Variants in OSBPL8 observed in about 807,000 individuals in gnomAD.
OSBPL8 encodes oxysterol-binding protein-related protein 8.
A neutral mutation model predicts 125.5 loss-of-function variants in OSBPL8; 59 were observed. The ratio of observed to expected loss-of-function variants is 0.47; its 90% CI spans 0.38 to 0.58. The LOEUF (loss-of-function observed/expected upper bound fraction) is 0.58, where lower values mean the gene tolerates loss of function less well. Ranked by LOEUF, OSBPL8 falls within the 20% of genes least tolerant of loss-of-function variation. The pLI is 0.00. For synonymous variants in OSBPL8, 330 were observed against 338.9 expected (o/e 0.97, Z 0.29); for missense variants, 758 against 1,047.8 (o/e 0.72, Z 3.82).
At chr12:76,389,612 A>G (rs1293650032) in intron 12 of OSBPL8, 33 bp downstream of exon 12, 1 of 1,434,206 alleles carries the variant, frequency 7.0e-7, no homozygotes, top group South Asian at 1.4e-5. Context: ...ATCATGAAGT[A>G]TTGTCTATTT....
At position 76,536,436 on chromosome 12, in the gene OSBPL8, G is replaced by A. The variant is rs189020384; in HGVS notation, c.-68+22961C>T. 2.5e-3 allele frequency among the ~76,000 whole-genome samples: 386 copies of A among 152,018 alleles called. 4 individuals are homozygous for A. The highest frequency in any genetic ancestry group is 9.1e-3 in the African/African-American group (377 of 41,494). The stretch of plus-strand genomic sequence containing the variant: ...ATAATTAATTTTGTCTGTAAAAATG[G>A]GAATAACTCACAGGATAGCTGTAAA... On this transcript the variant is annotated intron_variant, in intron 1 of 23. Transcript: ENST00000261183.
At position 76,375,294 on chromosome 12, in the gene OSBPL8, T is replaced by A; in HGVS notation, c.1806A>T (p.Ala602=). 6.2e-7 allele frequency: 1 copy of A among 1,609,606 alleles called. No individual in the cohort carries two copies. The highest frequency in any genetic ancestry group is 8.5e-7 in the Non-Finnish European group (1 of 1,176,760). ...TAACCTTTAGTTTAAATTCAAGTAT[T>A]GCACTGTATCCAGTTTTTTGACATG... ...NITCQKTGYS[A]ILEFKLKPFL... The change falls in exon 17 of 24, where the codon GCA becomes GCT. Residue 602 remains alanine, a synonymous_variant. Coordinates refer to ENST00000261183, the MANE Select transcript of OSBPL8 (RefSeq NM_020841.5).
chr12:76,353,659 T>C lies in OSBPL8; in HGVS notation c.*2230A>G, dbSNP rs1450022072. ...GCCTAGTACAAGCACTGATCTAAAATTAAGCCACCAATTCCTGAGTTTTGT... is the reference window on the plus strand; with the variant it reads ...GCCTAGTACAAGCACTGATCTAAAACTAAGCCACCAATTCCTGAGTTTTGT... On this transcript the variant is annotated 3_prime_UTR_variant, in exon 24 of 24. Coordinates refer to ENST00000261183, the MANE Select transcript of OSBPL8 (RefSeq NM_020841.5). 6.6e-6 allele frequency: 1 copy of C among 152,384 alleles called. No homozygotes were observed. The highest frequency in any genetic ancestry group is 1.9e-4 in the East Asian group (1 of 5,198). The allele number at this position is 152,384 out of a possible 1,614,324, so 9.4% of individuals were successfully genotyped here.
At chr12:76,435,585 G>C (rs2136615783) in intron 4 of OSBPL8, among the ~76,000 whole-genome samples, 1 of 152,250 alleles carries the variant, frequency 6.6e-6, no homozygotes, top group African/African-American at 2.4e-5. Flanking sequence ...TGATAGAAAT[G>C]TTAAGTAGCT....
rs184414876 is a variant in OSBPL8 at position 76,383,813 on chromosome 12, G to C, written c.1630+441C>G. Among the ~76,000 whole-genome samples, 302 of 152,060 alleles carry C rather than the reference G, an allele frequency of 2.0e-3. 1 individual carries two copies. The highest frequency in any genetic ancestry group is 6.9e-3 in the African/African-American group (287 of 41,488). Reference sequence around the variant, plus strand: ...CTATTTTCCCTTGTACTTGCAAACAGTTTTTTTGGTATGTTATTTAGTCCA... The same window carrying C: ...CTATTTTCCCTTGTACTTGCAAACACTTTTTTTGGTATGTTATTTAGTCCA... On this transcript the variant is annotated intron_variant, in intron 15 of 23. Coordinates refer to ENST00000261183, the MANE Select transcript of OSBPL8 (RefSeq NM_020841.5).
chr12:76,456,788 G>A (rs960870376), intron 3 of OSBPL8, among the ~76,000 whole-genome samples: 3 of 151,988 alleles, frequency 2.0e-5, no homozygotes, highest in Non-Finnish European at 2.9e-5. Context: ...ATGTTATTAA[G>A]AAAATCATAA....
At chr12:76,410,689 T>C (rs1954478665) in intron 4 of OSBPL8, 55 bp from the exon 5 acceptor site, 2 of 1,189,500 alleles carry the variant, frequency 1.7e-6, no homozygotes, top group Non-Finnish European at 2.5e-6. Context: ...GTATAATAAG[T>C]CATTCATTTT....
intron 1 of OSBPL8, among the ~76,000 whole-genome samples, chr12:76,556,560 A>C (rs2137544268): frequency 6.6e-6 from 1 of 152,300 alleles, no homozygotes; most frequent in South Asian, 2.1e-4. Context: ...TCTCATCACA[A>C]GGAAGCTATA....
chr12:76,418,740 G>A (rs1168127011), intron 4 of OSBPL8, among the ~76,000 whole-genome samples: 2 of 152,082 alleles, frequency 1.3e-5, no homozygotes, highest in African/African-American at 4.8e-5. Flanking sequence ...GCTGAGGTGA[G>A]AGGATCACTT....
intron 1 of OSBPL8, among the ~76,000 whole-genome samples, chr12:76,522,921 C>T (rs1423979540): frequency 6.6e-6 from 1 of 152,118 alleles, no homozygotes; most frequent in East Asian, 1.9e-4. Flanking sequence ...GATCTCAGCT[C>T]ACTGTGAATG....
chr12:76,500,447 A>T (rs74431510), intron 1 of OSBPL8, among the ~76,000 whole-genome samples: 2 of 104,982 alleles, frequency 1.9e-5, no homozygotes, highest in Admixed American at 1.7e-4. Flanking sequence ...AACTAGAAGT[A>T]TTCTCTTGAT....
chr12:76,501,227 C>A (rs748077953), intron 1 of OSBPL8, among the ~76,000 whole-genome samples: 1 of 152,130 alleles, frequency 6.6e-6, no homozygotes, highest in African/African-American at 2.4e-5. Flanking sequence ...CTTCCTCAAC[C>A]CTCATTATCT....
intron 2 of OSBPL8, among the ~76,000 whole-genome samples, chr12:76,482,352 G>A (rs901774100): frequency 6.6e-6 from 1 of 152,308 alleles, no homozygotes; most frequent in African/African-American, 2.4e-5. Flanking sequence ...AGTGGCTCAC[G>A]CCTGTAATCT....
intron 8 of OSBPL8, 149 bp downstream of exon 8, chr12:76,397,545 G>A (rs1953863427): frequency 7.7e-6 from 6 of 777,084 alleles, no homozygotes; most frequent in Non-Finnish European, 1.2e-5. Flanking sequence ...TTTGTTGTGG[G>A]TAGAGGCAGA....
chr12:76,435,716 T>C (rs1037518568), intron 4 of OSBPL8, among the ~76,000 whole-genome samples: 2 of 152,042 alleles, frequency 1.3e-5, no homozygotes, highest in Non-Finnish European at 2.9e-5. Context: ...AACAATACGA[T>C]TTGTGGTGGG....
At chr12:76,401,439 CACTTT>C (rs1450308136) in intron 6 of OSBPL8, among the ~76,000 whole-genome samples, 1 of 152,166 alleles carries the variant, frequency 6.6e-6, no homozygotes, top group Non-Finnish European at 1.5e-5. Context: ...CAGTTCTAAG[CACTTT>C]ACTTGTATTG....
intron 1 of OSBPL8, among the ~76,000 whole-genome samples, chr12:76,528,246 G>A (rs949371719): frequency 1.3e-5 from 2 of 151,642 alleles, no homozygotes; most frequent in African/African-American, 4.8e-5. Flanking sequence ...GCTTGAACTG[G>A]GACCTGGGAG....
At chr12:76,448,722 A>G (rs2136712136) in intron 4 of OSBPL8, among the ~76,000 whole-genome samples, 1 of 152,298 alleles carries the variant, frequency 6.6e-6, no homozygotes, top group South Asian at 2.1e-4. Context: ...TTTCTATTGA[A>G]ATAAAGTAGA....
rs146003565 is a variant in OSBPL8, at chr12:76,517,281, G to GT, written c.-67-29664dup. On this transcript the variant is annotated intron_variant, in intron 1 of 23. Transcript: ENST00000261183. ...TAAACAAGAGGTGGGGGGTGTGGAG[G>GT]TAAGAGGCCTTTTAGAGGACTCAAA... is the stretch of plus-strand genomic sequence containing the variant. 4.7e-3 allele frequency among the ~76,000 whole-genome samples: 721 copies of GT among 152,210 alleles called. 6 individuals carry two copies. Among genetic ancestry groups the GT allele is most frequent in the African/African-American group, 0.016 (644 of 41,506 alleles).
Sources: gnomAD v4.1 joint callset for allele counts (sites outside exome capture counted in the v4.1 genomes callset) on GRCh38, gnomAD v4.1.1 for gene constraint, MANE v1.5 for transcripts, NCBI Gene and HGNC (gene_info 2026-07-23, HGNC 2026-07-21) for gene names.